NADK2: variants seen among roughly 807,000 people sequenced by gnomAD.
NADK2 encodes NAD kinase domain-containing protein 1, mitochondrial.
NADK2 carries 35 observed loss-of-function variants against 62.1 expected under a neutral mutation model. The ratio of observed to expected loss-of-function variants is 0.56; its 90% confidence interval spans 0.43 to 0.75. NADK2 has a LOEUF of 0.75. Among genes scored for constraint, NADK2 ranks in the 30% least tolerant of loss-of-function variants. The pLI is 0.00. For synonymous variants in NADK2, 205 were observed against 207.9 expected, an observed-to-expected ratio of 0.99 and a Z score of 0.12; for missense variants, 439 against 561.3, an observed-to-expected ratio of 0.78 and a Z score of 2.20.
At position 36,232,184 on chromosome 5, in the gene NADK2, T is replaced by C. The variant is rs147490881; in HGVS notation, c.301-4619A>G. The stretch of plus-strand genomic sequence containing the variant: ...GATCCAGATGTGATAGTTATGCTAT[T>C]ACCTAAATGGTTTATAACACCTTTA... On this transcript the variant is annotated intron_variant, in intron 1 of 11. Transcript: ENST00000381937. 1.8e-3 allele frequency among the ~76,000 whole-genome samples: 280 copies of C among 152,360 alleles called. 1 individual carries two copies. Among genetic ancestry groups the C allele is most frequent in the African/African-American group, 6.5e-3 (270 of 41,590 alleles).
intron 1 of NADK2, among the ~76,000 whole-genome samples, chr5:36,230,802 AT>A (rs66998543): frequency 5.2e-4 from 1 of 1,934 alleles, no homozygotes; most frequent in African/African-American, 1.0e-3. Flanking sequence ...TCTAAAAAAA[AT>A]TCATCTAAAT....
rs1333007363 is a variant in NADK2, at chr5:36,241,282, T to TC, written c.300+216dup. 2.2e-6 allele frequency: 2 copies of TC among 916,646 alleles called. No homozygotes were observed. The highest frequency in any genetic ancestry group is 2.9e-6 in the Non-Finnish European group (2 of 681,564). The allele number at this position is 916,646 out of a possible 1,614,324, so 56.8% of individuals were successfully genotyped here. The stretch of plus-strand genomic sequence containing the variant: ...CTGCATGAACCACTGTCCCTCTCTC[T>TC]CCCCCTCTCCCCGGCCCTGCCTCTC... On this transcript the variant is annotated intron_variant, in intron 1 of 11. Coordinates refer to ENST00000381937, the MANE Select transcript of NADK2 (RefSeq NM_001085411.3). This position sits in a 1 kb window ranked among gnomAD's most constrained non-coding sequence, Gnocchi z 4.9.
intron 6 of NADK2, among the ~76,000 whole-genome samples, chr5:36,213,946 T>C (rs1041835013): frequency 1.3e-5 from 2 of 152,054 alleles, no homozygotes; most frequent in African/African-American, 4.8e-5. Flanking sequence ...ATTCCCATTT[T>C]CCCTCATCCT....
Position 36,227,537 on chromosome 5 carries a change from C to T in NADK2, c.329G>A (p.Gly110Glu). Residue 110 changes from glycine to glutamate, a missense_variant, in exon 2 of 12, where the codon GGA becomes GAA. By Grantham distance (98) the Gly-to-Glu change is moderately conservative (BLOSUM62 -2). Coordinates refer to ENST00000381937, the MANE Select transcript of NADK2 (RefSeq NM_001085411.3). ...GTGAATATGATGTCGTTCAAGAAGT[C>T]CACTGTAACTAGAGCCTTTCAATGC... ...LLALKGSSYS[G>E]LLERHHIHTK... 6.4e-7 allele frequency: 1 copy of T among 1,557,168 alleles called. No homozygotes were observed. Among genetic ancestry groups the T allele is most frequent in the Admixed American group, 1.9e-5 (1 of 51,390 alleles).
intron 10 of NADK2, among the ~76,000 whole-genome samples, chr5:36,199,071 G>A (rs930433183): frequency 2.6e-5 from 4 of 151,778 alleles, no homozygotes; most frequent in Non-Finnish European, 5.9e-5. Context: ...GGTGGGGGGA[G>A]GAATAGCATT....
intron 4 of NADK2, among the ~76,000 whole-genome samples, chr5:36,224,692 T>C (rs1442287157): frequency 6.6e-6 from 1 of 151,932 alleles, no homozygotes; most frequent in Non-Finnish European, 1.5e-5. Context: ...TGGGATAAAG[T>C]AATAAGGCTG....
At position 36,241,871 on chromosome 5, in the gene NADK2, C is replaced by A; in HGVS notation, c.-73G>T. On this transcript the variant is annotated 5_prime_UTR_variant, in exon 1 of 12. Coordinates refer to ENST00000381937, the MANE Select transcript of NADK2 (RefSeq NM_001085411.3). The surrounding 1 kb of genome is among the most constrained non-coding windows in gnomAD (Gnocchi z 4.9). ...AGCTCCCTACCGCCGGGAGTGCGCGCCGTCCGCGCCGCCCGGGCCTCTAAC... is the reference window on the plus strand; with the variant it reads ...AGCTCCCTACCGCCGGGAGTGCGCGACGTCCGCGCCGCCCGGGCCTCTAAC... 1 of 1,116,494 alleles carries A rather than the reference C, an allele frequency of 9.0e-7. No homozygotes were observed. The highest frequency in any genetic ancestry group is 3.2e-5 in the South Asian group (1 of 31,424). 69.2% of individuals were successfully genotyped at this position (1,116,494 alleles called of 1,614,324 possible). A position where few individuals can be genotyped will look rare whatever the true frequency, so the allele number is the denominator to read the frequency against.
At chr5:36,200,001 A>G (rs1463820969) in intron 10 of NADK2, among the ~76,000 whole-genome samples, 1 of 152,038 alleles carries the variant, frequency 6.6e-6, no homozygotes. Context: ...ACATGTTTGC[A>G]GTTATACTGC....
chr5:36,203,899 A>G (rs770044579), intron 8 of NADK2, among the ~76,000 whole-genome samples: 1 of 152,104 alleles, frequency 6.6e-6, no homozygotes, highest in Non-Finnish European at 1.5e-5. Flanking sequence ...TGTGACCTCT[A>G]TAGACACCTC....
intron 10 of NADK2, 45 bp from the exon 11 acceptor site, chr5:36,197,709 T>G: frequency 1.4e-6 from 2 of 1,455,012 alleles, no homozygotes; most frequent in Non-Finnish European, 1.8e-6. Flanking sequence ...AGATGGTCAC[T>G]TCTGAGAAGG....
intron 1 of NADK2, among the ~76,000 whole-genome samples, chr5:36,230,941 GTTATATCTAA>G: frequency 6.6e-6 from 1 of 152,322 alleles, no homozygotes; most frequent in Admixed American, 6.5e-5. Flanking sequence ...TATTACAACA[GTTATATCTAA>G]TTTACCACTT....
chr5:36,223,811 G>C (rs987954758), intron 4 of NADK2, among the ~76,000 whole-genome samples: 11 of 152,216 alleles, frequency 7.2e-5, no homozygotes, highest in African/African-American at 2.6e-4. Flanking sequence ...GGAAGGAAAA[G>C]AGATAATAAC....
chr5:36,196,918 G>A (rs188670410), intron 11 of NADK2, among the ~76,000 whole-genome samples: 8 of 152,018 alleles, frequency 5.3e-5, no homozygotes, highest in Non-Finnish European at 7.4e-5. Flanking sequence ...TGTACACTAA[G>A]GTCAGCAATT....
intron 10 of NADK2, among the ~76,000 whole-genome samples, chr5:36,198,149 A>C (rs1746302919): frequency 6.6e-6 from 1 of 152,002 alleles, no homozygotes; most frequent in Admixed American, 6.6e-5. Context: ...CCCATTACTC[A>C]ACATATTTTC....
At chr5:36,240,641 G>GT (rs1748071911) in intron 1 of NADK2, among the ~76,000 whole-genome samples, 1 of 152,138 alleles carries the variant, frequency 6.6e-6, no homozygotes, top group Admixed American at 6.5e-5. Context: ...TTTAAAGTTG[G>GT]TGGGGGGGGA....
At chr5:36,220,696 G>A (rs1217118620) in intron 4 of NADK2, among the ~76,000 whole-genome samples, 1 of 152,222 alleles carries the variant, frequency 6.6e-6, no homozygotes, top group Non-Finnish European at 1.5e-5. Flanking sequence ...AATACCTGCT[G>A]AGGTCAACTG....
rs865976262 is a variant in NADK2, at chr5:36,241,699, G to A, written c.100C>T (p.Arg34Trp). The A allele has an allele frequency of 1.4e-4, 154 of 1,127,948 alleles. 2 individuals are homozygous for A. The African/African-American group carries it at 2.2e-3, about 16-fold the overall frequency. 69.9% of individuals were successfully genotyped at this position (1,127,948 alleles called of 1,614,324 possible). A position where few individuals can be genotyped will look rare whatever the true frequency, so the allele number is the denominator to read the frequency against. The change falls in exon 1 of 12, where the codon CGG (arginine) becomes TGG (tryptophan). Residue 34 changes from arginine to tryptophan, a missense_variant. Coordinates refer to ENST00000381937, the MANE Select transcript of NADK2 (RefSeq NM_001085411.3). This position sits in a 1 kb window ranked among gnomAD's most constrained non-coding sequence, Gnocchi z 4.9. ...CCACCGTCACCGCCCAGCCGGGGCC[G>A]CGCGGCGGGGCCTCCCGCACCCGGT... ...RGPGAGGPAA[R>W]PRLGGDGGGR...
Position 36,205,496 on chromosome 5 carries a change from GGGCAGGAATAA to G in NADK2, c.956+1663_956+1673del, listed in dbSNP as rs1746602343. The stretch of plus-strand genomic sequence containing the variant: ...TGTGCCATAGGTGGGGGTAAGGGTA[GGGCAGGAATAA>G]GGCCAATAAGATCGCTAAGGTCATA... On this transcript the variant is annotated intron_variant, in intron 8 of 11. Transcript: ENST00000381937. This position sits in a 1 kb window ranked among gnomAD's most constrained non-coding sequence, Gnocchi z 4.1. 6.6e-6 allele frequency among the ~76,000 whole-genome samples: 1 copy of G among 152,052 alleles called. No homozygotes were observed. Among genetic ancestry groups the G allele is most frequent in the Non-Finnish European group, 1.5e-5 (1 of 67,996 alleles).
Position 36,199,062 on chromosome 5 carries a change from G to A in NADK2, c.1066+1165C>T, listed in dbSNP as rs376613753. On this transcript the variant is annotated intron_variant, in intron 10 of 11. Transcript: ENST00000381937. Reference sequence around the variant, plus strand: ...ACTGGGGACTGTTGTGGGGTAGGGGGTGGGGGGAGGAATAGCATTAGGAGA... The same window carrying A: ...ACTGGGGACTGTTGTGGGGTAGGGGATGGGGGGAGGAATAGCATTAGGAGA... 3.1e-4 allele frequency among the ~76,000 whole-genome samples: 47 copies of A among 151,640 alleles called. 1 individual carries two copies. In the East Asian group the frequency reaches 7.4e-3, roughly 24 times the overall value.
Sources: gnomAD v4.1 joint callset for allele counts (sites outside exome capture counted in the v4.1 genomes callset) on GRCh38, gnomAD v4.1.1 for gene constraint, Gnocchi (gnomAD v3.1) non-coding constraint, MANE v1.5 for transcripts, NCBI Gene and HGNC (gene_info 2026-07-23, HGNC 2026-07-21) for gene names.